The following SPSB1 variants were observed in gnomAD, a reference collection of about 807,000 sequenced individuals.
The protein encoded by SPSB1 is splA/ryanodine receptor domain and SOCS box containing 1, also known as SPRY domain-containing SOCS box protein 1.
Under a neutral mutation model 21.2 loss-of-function variants are expected in SPSB1, and 8 were observed. The observed-to-expected ratio is 0.38, with a 90% confidence interval of 0.22 to 0.68. SPSB1 has a LOEUF of 0.68. SPSB1 is among the 30% of genes least tolerant of loss of function. SPSB1 has a pLI of 0.53. For missense variants in SPSB1, 242 were observed against 377.8 expected (o/e 0.64, Z 2.98); for synonymous variants, 169 against 161.7 (o/e 1.05, Z -0.34).
intron 1 of SPSB1, among the ~76,000 whole-genome samples, chr1:9,352,381 C>T (rs963251923): frequency 2.0e-5 from 3 of 152,156 alleles, no homozygotes; most frequent in African/African-American, 7.2e-5. Context: ...TAAGTGGAGA[C>T]GATGCAGGGC....
At chr1:9,299,262 T>C (rs1240529475) in intron 1 of SPSB1, among the ~76,000 whole-genome samples, 1 of 152,198 alleles carries the variant, frequency 6.6e-6, no homozygotes, top group Non-Finnish European at 1.5e-5. Flanking sequence ...CCCTTGGCGG[T>C]CTGGGCTGAT....
intron 1 of SPSB1, among the ~76,000 whole-genome samples, chr1:9,302,710 G>A (rs554674182): frequency 1.3e-5 from 2 of 152,328 alleles, no homozygotes; most frequent in South Asian, 2.1e-4. Context: ...GTCTTTTGAA[G>A]TTGCAATTAC....
chr1:9,325,094 A>T (rs767279363), intron 1 of SPSB1, among the ~76,000 whole-genome samples: 2 of 152,096 alleles, frequency 1.3e-5, no homozygotes, highest in Non-Finnish European at 2.9e-5. Context: ...GGGACTCCAG[A>T]GCTCAGCACG....
chr1:9,361,046 A>G (rs554797046), intron 2 of SPSB1, among the ~76,000 whole-genome samples: 3 of 152,164 alleles, frequency 2.0e-5, no homozygotes, highest in Admixed American at 1.3e-4. Context: ...TTGCCTTCCA[A>G]TACAACTAAA....
intron 1 of SPSB1, among the ~76,000 whole-genome samples, chr1:9,336,675 G>A (rs1640008774): frequency 6.6e-6 from 1 of 152,220 alleles, no homozygotes; most frequent in South Asian, 2.1e-4. Context: ...CTGGGCTAGT[G>A]AGGACGCAAC....
Position 9,305,212 on chromosome 1 carries a change from G to T in SPSB1, c.-150+12141G>T, listed in dbSNP as rs1281747308. On this transcript the variant is annotated intron_variant, in intron 1 of 2. Coordinates refer to ENST00000328089, the MANE Select transcript of SPSB1 (RefSeq NM_025106.4). This position sits in a 1 kb window ranked among gnomAD's most constrained non-coding sequence, Gnocchi z 4.8. ...TCTTCATGCTGCCTGGTCCCGCCTC[G>T]GCTGGCCCGTTCCTACCGGCTGGCC... Among the ~76,000 whole-genome samples the T allele has an allele frequency of 6.6e-6, 1 of 152,086 alleles. No homozygotes were observed. The highest frequency in any genetic ancestry group is 1.5e-5 in the Non-Finnish European group (1 of 68,000).
chr1:9,301,902 C>T (rs577551626), intron 1 of SPSB1, among the ~76,000 whole-genome samples: 2 of 152,376 alleles, frequency 1.3e-5, no homozygotes, highest in South Asian at 4.1e-4. Context: ...TTTGTCCTTA[C>T]TGGAGCAGGC....
chr1:9,335,167 A>G (rs1426792874), intron 1 of SPSB1, among the ~76,000 whole-genome samples: 5 of 152,004 alleles, frequency 3.3e-5, no homozygotes, highest in Non-Finnish European at 7.4e-5. Flanking sequence ...AAAATGGTGC[A>G]TTTTCATTGG....
At chr1:9,315,318 C>G (rs1280533551) in intron 1 of SPSB1, among the ~76,000 whole-genome samples, 1 of 152,250 alleles carries the variant, frequency 6.6e-6, no homozygotes, top group Non-Finnish European at 1.5e-5. Context: ...GTGTTGCCCA[C>G]CCACGTTAGC....
chr1:9,296,960 A>T (rs1321848812), intron 1 of SPSB1, among the ~76,000 whole-genome samples: 1 of 152,224 alleles, frequency 6.6e-6, no homozygotes, highest in African/African-American at 2.4e-5. Flanking sequence ...TCCAGTGGTC[A>T]TGAGACAGAC....
intron 1 of SPSB1, among the ~76,000 whole-genome samples, chr1:9,315,892 A>G (rs1639605400): frequency 6.6e-6 from 1 of 152,232 alleles, no homozygotes; most frequent in South Asian, 2.1e-4. Context: ...AAAACAAAAC[A>G]TGGAGTTTTC....
intron 2 of SPSB1, among the ~76,000 whole-genome samples, chr1:9,359,263 C>T (rs11121387): frequency 0.046 from 7,017 of 152,238 alleles, 315 homozygotes; most frequent in African/African-American, 0.11. Flanking sequence ...CTTGGGACAC[C>T]GAGCAAAACA....
At chr1:9,334,908 G>A (rs1054873214) in intron 1 of SPSB1, among the ~76,000 whole-genome samples, 1 of 152,152 alleles carries the variant, frequency 6.6e-6, no homozygotes, top group African/African-American at 2.4e-5. Context: ...ATATTTCATC[G>A]TGGGGATGGG....
chr1:9,312,589 C>T (rs1371750947), intron 1 of SPSB1, among the ~76,000 whole-genome samples: 1 of 152,136 alleles, frequency 6.6e-6, no homozygotes, highest in Admixed American at 6.5e-5. Context: ...GCCGCATTCT[C>T]CCAAGTTTCC....
intron 1 of SPSB1, among the ~76,000 whole-genome samples, chr1:9,311,551 G>A (rs1639520313): frequency 6.6e-6 from 1 of 152,174 alleles, no homozygotes; most frequent in South Asian, 2.1e-4. Context: ...TAGCATCAAA[G>A]TCCTGGAAAA....
At chr1:9,365,280 G>A (rs1480168325) in intron 2 of SPSB1, among the ~76,000 whole-genome samples, 8 of 152,018 alleles carry the variant, frequency 5.3e-5, no homozygotes, top group Non-Finnish European at 1.2e-4. Context: ...CCCAAGTCCT[G>A]GCTGATTTTT....
chr1:9,297,710 G>A (rs796775799), intron 1 of SPSB1, among the ~76,000 whole-genome samples: 16 of 152,298 alleles, frequency 1.1e-4, no homozygotes, highest in African/African-American at 3.8e-4. Context: ...ATGACCCACT[G>A]TGAGTAAGTT....
chr1:9,294,724 C>T (rs1172150324), intron 1 of SPSB1: 1 of 152,166 alleles, frequency 6.6e-6, no homozygotes, highest in African/African-American at 2.4e-5. Flanking sequence ...GAAGAATTTT[C>T]TCGTTGGGGG....
intron 2 of SPSB1, among the ~76,000 whole-genome samples, chr1:9,361,020 C>T (rs1384759153): frequency 1.3e-5 from 2 of 152,182 alleles, no homozygotes; most frequent in African/African-American, 4.8e-5. Flanking sequence ...AGTCCCCCGT[C>T]CCGGGAGAGT....
Sources: allele counts gnomAD v4.1 joint callset (sites outside exome capture counted in the v4.1 genomes callset), GRCh38; gene constraint gnomAD v4.1.1; non-coding constraint Gnocchi (gnomAD v3.1); transcripts MANE v1.5; gene names NCBI Gene and HGNC (gene_info 2026-07-23, HGNC 2026-07-21).